The following GRM1 variants were observed in gnomAD, a reference collection of about 807,000 sequenced individuals.
GRM1 encodes metabotropic glutamate receptor 1.
A neutral mutation model predicts 90.9 loss-of-function variants in GRM1; 33 were observed. The ratio of observed to expected loss-of-function variants is 0.36; its 90% CI spans 0.28 to 0.49. The LOEUF is 0.49. GRM1 is among the 20% of genes least tolerant of loss of function. The probability of loss-of-function intolerance (pLI) is 0.99; values close to 1 mark genes in which losing one functional copy is unlikely to be tolerated. For missense variants in GRM1, 1,190 were observed against 1,534.3 expected (o/e 0.78, Z 3.75); for synonymous variants, 700 against 613.2 (o/e 1.14, Z -2.09).
intron 2 of GRM1, among the ~76,000 whole-genome samples, chr6:146,199,883 G>A (rs1282868831): frequency 6.6e-6 from 1 of 152,136 alleles, no homozygotes; most frequent in Admixed American, 6.5e-5. Context: ...TGGGCATGGT[G>A]GCACACGTCT....
At chr6:146,403,538 T>C (rs1425105633) in intron 7 of GRM1, among the ~76,000 whole-genome samples, 3 of 152,120 alleles carry the variant, frequency 2.0e-5, no homozygotes, top group African/African-American at 7.2e-5. Flanking sequence ...TTTTTTTAAC[T>C]GAGTCAAGAA....
intron 1 of GRM1, among the ~76,000 whole-genome samples, chr6:146,096,155 T>G (rs556874121): frequency 1.3e-5 from 2 of 152,278 alleles, no homozygotes; most frequent in South Asian, 4.1e-4. Flanking sequence ...GTAGTTTTGT[T>G]TTTTCAAACA....
chr6:146,299,296 A>G (rs1562591381), intron 2 of GRM1, among the ~76,000 whole-genome samples: 1 of 152,084 alleles, frequency 6.6e-6, no homozygotes. Context: ...TTCTCCTTCC[A>G]TCCACATATG....
At chr6:146,057,399 A>T (rs780147973) in intron 1 of GRM1, among the ~76,000 whole-genome samples, 16 of 152,164 alleles carry the variant, frequency 1.1e-4, no homozygotes, top group Non-Finnish European at 2.2e-4. Flanking sequence ...GTCTTCACTG[A>T]TAACTAGCTG....
chr6:146,301,323 T>G (rs1244338988), intron 2 of GRM1, among the ~76,000 whole-genome samples: 1 of 152,206 alleles, frequency 6.6e-6, no homozygotes, highest in Non-Finnish European at 1.5e-5. Context: ...ACCATGTGAC[T>G]TAAAATTTCT....
At chr6:146,394,763 C>T (rs547614581) in intron 6 of GRM1, among the ~76,000 whole-genome samples, 10 of 152,130 alleles carry the variant, frequency 6.6e-5, no homozygotes, top group East Asian at 3.9e-4. Context: ...AACAGGGGAA[C>T]GCTTAAACAG....
At chr6:146,140,400 C>T (rs1430979412) in intron 1 of GRM1, among the ~76,000 whole-genome samples, 1 of 151,990 alleles carries the variant, frequency 6.6e-6, no homozygotes, top group African/African-American at 2.4e-5. Context: ...ACCCAAGTAG[C>T]TGGAATTACA....
intron 7 of GRM1, among the ~76,000 whole-genome samples, chr6:146,412,765 T>G (rs1777616601): frequency 6.6e-6 from 1 of 152,162 alleles, no homozygotes; most frequent in South Asian, 2.1e-4. Context: ...GTATATATTT[T>G]TATTATTCCA....
intron 1 of GRM1, among the ~76,000 whole-genome samples, chr6:146,040,652 G>A (rs1336863165): frequency 6.6e-6 from 1 of 151,930 alleles, no homozygotes; most frequent in Admixed American, 6.6e-5. Flanking sequence ...CATATATGTT[G>A]TTTTCCTTTC....
intron 6 of GRM1, among the ~76,000 whole-genome samples, chr6:146,395,340 G>A (rs913418548): frequency 6.6e-6 from 1 of 151,952 alleles, no homozygotes; most frequent in Non-Finnish European, 1.5e-5. Flanking sequence ...TAAGTTAGTT[G>A]TTGAGTCTAT....
intron 1 of GRM1, among the ~76,000 whole-genome samples, chr6:146,095,858 A>G (rs1776856748): frequency 6.6e-6 from 1 of 152,134 alleles, no homozygotes; most frequent in Non-Finnish European, 1.5e-5. Flanking sequence ...TCTCTAAAAC[A>G]TCTCTGCCAA....
chr6:146,080,739 A>AT (rs984933358), intron 1 of GRM1, among the ~76,000 whole-genome samples: 46 of 152,100 alleles, frequency 3.0e-4, no homozygotes, highest in African/African-American at 1.1e-3. Flanking sequence ...AGCAAGACTA[A>AT]TTTTTTTGTG....
At chr6:146,319,901 C>T (rs922422572) in intron 3 of GRM1, among the ~76,000 whole-genome samples, 1 of 152,162 alleles carries the variant, frequency 6.6e-6, no homozygotes, top group Admixed American at 6.5e-5. Context: ...ACAATCATGT[C>T]ATCTGCAAAC....
At chr6:146,312,329 T>C (rs1383578694) in intron 3 of GRM1, among the ~76,000 whole-genome samples, 1 of 95,976 alleles carries the variant, frequency 1.0e-5, no homozygotes, top group African/African-American at 4.2e-5. Flanking sequence ...TGAAAGAGCC[T>C]GGGTGAAAGA....
At chr6:146,412,551 T>C (rs1777609970) in intron 7 of GRM1, among the ~76,000 whole-genome samples, 1 of 152,190 alleles carries the variant, frequency 6.6e-6, no homozygotes, top group Admixed American at 6.5e-5. Context: ...TTCTAAGATA[T>C]TGAATTATGT....
chr6:146,121,403 A>G (rs1775985343), intron 1 of GRM1, among the ~76,000 whole-genome samples: 1 of 151,914 alleles, frequency 6.6e-6, no homozygotes, highest in Non-Finnish European at 1.5e-5. Flanking sequence ...GGATTCATTG[A>G]TTTTTTGAAG....
chr6:146,393,764 A>G (rs943798468), intron 6 of GRM1, among the ~76,000 whole-genome samples: 2 of 152,190 alleles, frequency 1.3e-5, no homozygotes, highest in Non-Finnish European at 2.9e-5. Flanking sequence ...AGAAAAAACT[A>G]CTTTAAATTT....
At chr6:146,429,224 A>G (rs1173948440) in intron 7 of GRM1, among the ~76,000 whole-genome samples, 1 of 152,246 alleles carries the variant, frequency 6.6e-6, no homozygotes, top group Admixed American at 6.5e-5. Context: ...TTAAGATGTC[A>G]TATCAACAGA....
chr6:146,364,011 C>T (rs538411777), intron 5 of GRM1, among the ~76,000 whole-genome samples: 3 of 152,192 alleles, frequency 2.0e-5, no homozygotes, highest in Non-Finnish European at 4.4e-5. Flanking sequence ...GGATAGACGA[C>T]GCATCCGCTT....
Sources: gnomAD v4.1 joint callset for allele counts (sites outside exome capture counted in the v4.1 genomes callset) on GRCh38, gnomAD v4.1.1 for gene constraint, MANE v1.5 for transcripts, NCBI Gene and HGNC (gene_info 2026-07-23, HGNC 2026-07-21) for gene names.